EWSR1: variants seen among roughly 807,000 people sequenced by gnomAD.
EWSR1 encodes EWS RNA binding protein 1, also known as RNA-binding protein EWS.
Under a neutral mutation model 92.1 loss-of-function variants are expected in EWSR1, and 14 were observed. That is an observed-to-expected ratio of 0.15 (90% CI 0.10 to 0.24). EWSR1 has a LOEUF of 0.24. Among genes scored for constraint, EWSR1 ranks in the 10% least tolerant of loss-of-function variants. The pLI, the probability that EWSR1 is intolerant of heterozygous loss-of-function variation, is 1.00. For missense variants in EWSR1, 637 were observed against 870.9 expected, an observed-to-expected ratio of 0.73 and a Z score of 3.38; for synonymous variants, 303 against 292.9, an observed-to-expected ratio of 1.03 and a Z score of -0.35.
chr22:29,292,908 C>T (rs1006358982), intron 11 of EWSR1, among the ~76,000 whole-genome samples: 3 of 152,062 alleles, frequency 2.0e-5, no homozygotes, highest in African/African-American at 7.2e-5. Flanking sequence ...AGGTGTGCGC[C>T]ACCAGCTAAT....
intron 6 of EWSR1, 89 bp from the exon 7 acceptor site, chr22:29,286,834 G>A: frequency 1.1e-6 from 1 of 909,560 alleles, no homozygotes; most frequent in Non-Finnish European, 1.7e-6. Context: ...TGTGTCACAT[G>A]GTGTGAATGT....
rs1368970429 is a variant in EWSR1 at position 29,282,543 on chromosome 22, C to G, written c.567C>G (p.Ser189=). ...YPMQPVTAPP[S]YPPTSYSSTQ... is the part of the protein sequence containing the mutation. ...TGCAGCCAGTCACTGCACCTCCATC[C>G]TACCCTCCTACCAGGTCAGTCTACT... The change falls in exon 6 of 17, where the codon TCC becomes TCG. Residue 189 remains serine (S), a synonymous_variant. Transcript: ENST00000397938. 6.6e-6 allele frequency: 10 copies of G among 1,520,080 alleles called. No individual in the cohort carries two copies. Among genetic ancestry groups the G allele is most frequent in the Non-Finnish European group, 7.0e-6 (8 of 1,140,352 alleles). The allele number at this position is 1,520,080 out of a possible 1,614,324, so 94.2% of individuals were successfully genotyped here. A position where few individuals can be genotyped will look rare whatever the true frequency, so the allele number is the denominator to read the frequency against.
chr22:29,273,997 AG>A, intron 4 of EWSR1, 133 bp downstream of exon 4: 1 of 1,219,458 alleles, frequency 8.2e-7, no homozygotes, highest in Non-Finnish European at 1.1e-6. Flanking sequence ...TCTTAGGAAG[AG>A]GTATTTTTTC....
At position 29,300,126 on chromosome 22, in the gene EWSR1, G is replaced by A; in HGVS notation, c.1936G>A (p.Glu646Lys). Residue 646 changes from glutamate (E) to lysine (K), a missense_variant, in exon 17 of 17, where the codon GAG (glutamate) becomes AAG (lysine). Physicochemically the swap from Glu to Lys is moderately conservative, Grantham distance 56. This residue lies in a region of EWSR1 where 363 missense variants were observed against 447.8 expected (regional missense o/e 0.81). Transcript: ENST00000397938. ...RGGPGKMDKGEHRQERRDRPY is the reference protein window; with the variant it reads ...RGGPGKMDKGKHRQERRDRPY ...AGGGCCCTCTTTACCTTGCAGAGGC[G>A]AGCACCGTCAGGAGCGCAGAGATCG... The A allele has an allele frequency of 6.2e-7, 1 of 1,603,734 alleles. No individual in the cohort carries two copies. Among genetic ancestry groups the A allele is most frequent in the Non-Finnish European group, 8.5e-7 (1 of 1,178,136 alleles).
chr22:29,282,636 T>C, intron 6 of EWSR1, 79 bp downstream of exon 6: 1 of 1,254,298 alleles, frequency 8.0e-7, no homozygotes, highest in South Asian at 1.8e-5. Flanking sequence ...TGCTTTGACT[T>C]CTTCAGCTAA....
chr22:29,272,290 T>G lies in EWSR1; in HGVS notation c.50+38T>G, dbSNP rs199543598. ...TTTATAACCGTATTTTGTGTGTGATTAATATTTTTTGAATATGGAGCCTTC... is the reference window on the plus strand; with the variant it reads ...TTTATAACCGTATTTTGTGTGTGATGAATATTTTTTGAATATGGAGCCTTC... On this transcript the variant is annotated intron_variant, in intron 2 of 16. Transcript: ENST00000397938. The G allele has an allele frequency of 2.3e-4, 368 of 1,613,298 alleles. 3 individuals are homozygous for G. The African/African-American group carries it at 4.3e-3, about 19-fold the overall frequency.
At chr22:29,298,617 G>A in intron 13 of EWSR1, 116 bp from the exon 14 acceptor site, 1 of 1,291,416 alleles carries the variant, frequency 7.7e-7, no homozygotes, top group Non-Finnish European at 1.1e-6. Flanking sequence ...CACGGGACAG[G>A]TGATGGGGAA....
Position 29,299,619 on chromosome 22 carries a change from G to T in EWSR1, c.1699G>T (p.Gly567Cys). ...PPPGGDRGRG[G>C]PGGMRGGRGG... is the part of the protein sequence containing the mutation. ...CTTAGGTGGTGATCGTGGCAGAGGTGGCCCTGGTGGCATGCGGGGAGGAAG... is the reference window on the plus strand; with the variant it reads ...CTTAGGTGGTGATCGTGGCAGAGGTTGCCCTGGTGGCATGCGGGGAGGAAG... Residue 567 changes from glycine (G) to cysteine (C), a missense_variant, in exon 16 of 17, where the codon GGC becomes TGC. By Grantham distance (159) the Gly-to-Cys change is radical. Around this residue, in one of 5 missense-constraint regions of EWSR1, gnomAD observed 363 missense variants for 447.8 expected, o/e 0.81. Transcript: ENST00000397938. 1 of 1,605,214 alleles carries T rather than the reference G, an allele frequency of 6.2e-7. No homozygotes were observed. Among genetic ancestry groups the T allele is most frequent in the African/African-American group, 1.3e-5 (1 of 74,850 alleles).
At chr22:29,283,984 G>A (rs916309905) in intron 6 of EWSR1, among the ~76,000 whole-genome samples, 33 of 151,102 alleles carry the variant, frequency 2.2e-4, no homozygotes, top group Non-Finnish European at 4.4e-4. Context: ...AGATACAGAC[G>A]CCACCACAAC....
intron 1 of EWSR1, among the ~76,000 whole-genome samples, chr22:29,271,669 G>A (rs975330272): frequency 9.9e-5 from 15 of 152,228 alleles, no homozygotes; most frequent in African/African-American, 2.4e-4. Flanking sequence ...ACACTGGAGT[G>A]TGGTGACTGC....
intron 5 of EWSR1, among the ~76,000 whole-genome samples, chr22:29,280,859 G>GTGTT (rs2059518413): frequency 1.1e-5 from 1 of 90,978 alleles, no homozygotes; most frequent in Non-Finnish European, 2.2e-5. Flanking sequence ...GTGTGTGTGT[G>GTGTT]TTGTTTTTTT....
Position 29,284,366 on chromosome 22 carries a change from C to T in EWSR1, c.581+1809C>T, listed in dbSNP as rs1317560738. 1.3e-5 allele frequency among the ~76,000 whole-genome samples: 2 copies of T among 151,328 alleles called. 1 individual carries two copies. Among genetic ancestry groups the T allele is most frequent in the African/African-American group, 4.9e-5 (2 of 40,586 alleles). On this transcript the variant is annotated intron_variant, in intron 6 of 16. Coordinates refer to ENST00000397938, the MANE Select transcript of EWSR1 (RefSeq NM_005243.4). ...GAAAGTTTTGCTAGAAGTAGCGGTTCCCTTTTTTGCACTCATTTCATTGTT... is the reference window on the plus strand; with the variant it reads ...GAAAGTTTTGCTAGAAGTAGCGGTTTCCTTTTTTGCACTCATTTCATTGTT...
chr22:29,293,714 G>A (rs1407559709), intron 11 of EWSR1, among the ~76,000 whole-genome samples: 1 of 152,132 alleles, frequency 6.6e-6, no homozygotes, highest in African/African-American at 2.4e-5. Flanking sequence ...ACAGGTGCCC[G>A]CCACCACACC....
Position 29,292,119 on chromosome 22 carries a change from A to G in EWSR1, c.1013-18A>G, listed in dbSNP as rs1427422682. 3.7e-6 allele frequency: 6 copies of G among 1,612,456 alleles called. No homozygotes were observed. In the South Asian group the frequency reaches 5.5e-5, roughly 15 times the overall value. On this transcript the variant is annotated intron_variant, in intron 9 of 16. Transcript: ENST00000397938. ...ACGTGCACTAATAATATTTTATATG[A>G]TCTTTCCTGGTTGGCAGGACCCATG...
At chr22:29,277,937 TA>T in intron 4 of EWSR1, 92 bp from the exon 5 acceptor site, 1 of 1,137,658 alleles carries the variant, frequency 8.8e-7, no homozygotes, top group Non-Finnish European at 1.2e-6. Context: ...CCTGATGGTT[TA>T]AAGTAAGTGG....
intron 6 of EWSR1, among the ~76,000 whole-genome samples, chr22:29,285,381 C>G (rs958344435): frequency 6.6e-6 from 1 of 151,226 alleles, no homozygotes; most frequent in African/African-American, 2.5e-5. Context: ...CTTGGCCTCC[C>G]AAAGTGCTGG....
chr22:29,280,854 T>C (rs1317821525), intron 5 of EWSR1, among the ~76,000 whole-genome samples: 9 of 138,258 alleles, frequency 6.5e-5, no homozygotes, highest in Non-Finnish European at 1.4e-4. Flanking sequence ...TGTGTGTGTG[T>C]GTGTGTTGTT....
At chr22:29,288,034 T>C (rs1270843701) in intron 7 of EWSR1, among the ~76,000 whole-genome samples, 1 of 152,184 alleles carries the variant, frequency 6.6e-6, no homozygotes, top group African/African-American at 2.4e-5. Context: ...AAAGATTCTT[T>C]AAGAAAATAG....
chr22:29,297,640 A>G (rs1389553770), intron 12 of EWSR1, among the ~76,000 whole-genome samples, 187 bp from the exon 13 acceptor site: 1 of 151,978 alleles, frequency 6.6e-6, no homozygotes, highest in Non-Finnish European at 1.5e-5. Flanking sequence ...GTGCCACTGC[A>G]CTCCAGCCCG....
Sources: allele counts gnomAD v4.1 joint callset (sites outside exome capture counted in the v4.1 genomes callset), GRCh38; gene constraint gnomAD v4.1.1; regional missense constraint gnomAD v4.1.1; transcripts MANE v1.5; gene names NCBI Gene and HGNC (gene_info 2026-07-23, HGNC 2026-07-21).